Variants in TUT7 observed in about 807,000 individuals in gnomAD.
TUT7 encodes terminal uridylyltransferase 7.
In TUT7, 33 loss-of-function variants were observed where a neutral mutation model predicts 165.9. The observed-to-expected ratio is 0.20, with a 90% CI of 0.15 to 0.27. The LOEUF (loss-of-function observed/expected upper bound fraction) is 0.27. TUT7 is among the 10% of genes least tolerant of loss of function. The pLI is 1.00. For synonymous variants in TUT7, 552 were observed against 608.1 expected (o/e 0.91, Z 1.36); for missense variants, 1,338 against 1,762.3 (o/e 0.76, Z 4.31).
intron 24 of TUT7, 149 bp downstream of exon 24, chr9:86,304,706 AG>A: frequency 2.0e-6 from 1 of 507,184 alleles, no homozygotes; most frequent in Non-Finnish European, 3.5e-6. Context: ...TTTAAGAAAA[AG>A]GGGGGCTCTG....
At chr9:86,310,305 CT>C (rs952372186) in intron 18 of TUT7, among the ~76,000 whole-genome samples, 157 of 148,390 alleles carry the variant, frequency 1.1e-3, no homozygotes, top group Middle Eastern at 3.5e-3. Context: ...TGAAATTAAC[CT>C]TTTTTTTTTC....
At chr9:86,304,435 C>T (rs1488366644) in intron 24 of TUT7, among the ~76,000 whole-genome samples, 1 of 152,114 alleles carries the variant, frequency 6.6e-6, no homozygotes, top group East Asian at 1.9e-4. Context: ...CTACAGGAAG[C>T]ACTGTTAACC....
chr9:86,329,914 G>T (rs1429229495), intron 10 of TUT7, among the ~76,000 whole-genome samples: 1 of 151,970 alleles, frequency 6.6e-6, no homozygotes, highest in African/African-American at 2.4e-5. Context: ...TTTTCTCTAA[G>T]GAGCTCCACA....
At chr9:86,307,640 T>G (rs959167325) in intron 22 of TUT7, among the ~76,000 whole-genome samples, 50 of 152,292 alleles carry the variant, frequency 3.3e-4, no homozygotes, top group African/African-American at 1.1e-3. Context: ...TCCCACAAAT[T>G]GGAAATAAAC....
chr9:86,315,510 T>C (rs1828622133), intron 17 of TUT7, among the ~76,000 whole-genome samples: 1 of 152,228 alleles, frequency 6.6e-6, no homozygotes, highest in South Asian at 2.1e-4. Flanking sequence ...TGTGGAACTC[T>C]TTATGCAACT....
At chr9:86,297,267 G>A (rs1826406802) in intron 26 of TUT7, among the ~76,000 whole-genome samples, 1 of 152,046 alleles carries the variant, frequency 6.6e-6, no homozygotes, top group Admixed American at 6.6e-5. Flanking sequence ...CCTTTTCTCT[G>A]CTCTCACTAT....
At chr9:86,351,248 C>T (rs1175442133) in intron 2 of TUT7, among the ~76,000 whole-genome samples, 2 of 151,954 alleles carry the variant, frequency 1.3e-5, no homozygotes, top group East Asian at 3.9e-4. Context: ...CCAGTCAGGC[C>T]AACATGGTGA....
At chr9:86,333,128 T>A (rs955480610) in intron 10 of TUT7, among the ~76,000 whole-genome samples, 10 of 152,252 alleles carry the variant, frequency 6.6e-5, no homozygotes, top group East Asian at 3.8e-4. Flanking sequence ...CAAAAAGTGA[T>A]GTTTTTGTTT....
At chr9:86,292,962 C>G (rs1261471685) in intron 26 of TUT7, among the ~76,000 whole-genome samples, 1 of 151,918 alleles carries the variant, frequency 6.6e-6, no homozygotes, top group African/African-American at 2.4e-5. Context: ...CTTCACTATA[C>G]CTGAATATAA....
chr9:86,334,564 GC>G (rs1485857118), intron 10 of TUT7, among the ~76,000 whole-genome samples: 1 of 152,164 alleles, frequency 6.6e-6, no homozygotes, highest in African/African-American at 2.4e-5. Flanking sequence ...GCAGTGGTTT[GC>G]CCATGACATC....
intron 2 of TUT7, among the ~76,000 whole-genome samples, chr9:86,347,659 A>G (rs892226986): frequency 7.2e-5 from 11 of 152,196 alleles, no homozygotes; most frequent in Admixed American, 3.9e-4. Flanking sequence ...ACCTTCCACA[A>G]TATAAGAAAA....
intron 16 of TUT7, among the ~76,000 whole-genome samples, chr9:86,317,928 AAAATAAAT>A (rs558235390): frequency 3.3e-5 from 5 of 152,302 alleles, no homozygotes; most frequent in Middle Eastern, 3.4e-3. Context: ...GCCATGTAAA[AAAATAAAT>A]AAATAAATAA....
Position 86,322,334 on chromosome 9 carries a change from G to T in TUT7, c.3019C>A (p.Gln1007Lys). The T allele has an allele frequency of 6.2e-7, 1 of 1,611,924 alleles. No individual in the cohort carries two copies. The highest frequency in any genetic ancestry group is 8.5e-7 in the Non-Finnish European group (1 of 1,179,190). ...FLNILDQVCIQCYKDFSPTII... is the reference protein window; with the variant it reads ...FLNILDQVCIKCYKDFSPTII... ...AATGTGAATAACTTACTATAACACT[G>T]GATACAGACTTGATCTAAGATATTT... The change falls in exon 14 of 27, where the codon CAG becomes AAG. Residue 1007 changes from glutamine (Q) to lysine (K), a missense_variant. This residue lies in a region of TUT7 where 425 missense variants were observed against 474.9 expected (regional missense o/e 0.89). Coordinates refer to ENST00000375963, the MANE Select transcript of TUT7 (RefSeq NM_024617.4).
Position 86,353,136 on chromosome 9 carries a change from C to T in TUT7, c.64G>A (p.Asp22Asn), listed in dbSNP as rs1282088250. The T allele has an allele frequency of 1.9e-6, 3 of 1,611,646 alleles. No individual in the cohort carries two copies. In the East Asian group the frequency reaches 6.7e-5, roughly 36 times the overall value. The change falls in exon 2 of 27, where the codon GAT becomes AAT. Residue 22 changes from aspartate to asparagine, a missense_variant. By Grantham distance (23) the Asp-to-Asn change is conservative (BLOSUM62 1). Around this residue, in one of 7 missense-constraint regions of TUT7, gnomAD observed 434 missense variants for 480.8 expected, o/e 0.90. Transcript: ENST00000375963. ...RTKDRGTMDD[D>N]DFRRGHPQQD... Reference sequence around the variant, plus strand: ...TGGGGGTGACCCCTTCTGAAGTCATCATCATCCATAGTCCCCCGGTCTTTA... The same window carrying T: ...TGGGGGTGACCCCTTCTGAAGTCATTATCATCCATAGTCCCCCGGTCTTTA...
chr9:86,307,485 C>T (rs971954265), intron 22 of TUT7, among the ~76,000 whole-genome samples: 1 of 151,840 alleles, frequency 6.6e-6, no homozygotes, highest in Non-Finnish European at 1.5e-5. Context: ...ATAATAAAAC[C>T]ACAACTTAGA....
intron 10 of TUT7, among the ~76,000 whole-genome samples, chr9:86,330,493 T>C (rs984512087): frequency 2.0e-5 from 3 of 152,368 alleles, no homozygotes; most frequent in African/African-American, 7.2e-5. Flanking sequence ...GCGTAGTGAC[T>C]ATTTCTTGGT....
In TUT7 at chr9:86,338,850, C is replaced by T; in HGVS notation, c.1308G>A (p.Leu436=). ...LGKLEPKLVP[L]VIAFRYWAKL... is the part of the protein sequence containing the mutation. ...TTGCCCAGTACCTAAATGCAATCACCAAAGGAACCAGCTTTGGTTCTAGTT... is the reference window on the plus strand; with the variant it reads ...TTGCCCAGTACCTAAATGCAATCACTAAAGGAACCAGCTTTGGTTCTAGTT... The change falls in exon 9 of 27, where the codon TTG becomes TTA. Residue 436 remains leucine (L), a synonymous_variant. Transcript: ENST00000375963. The T allele has an allele frequency of 1.9e-6, 3 of 1,608,708 alleles. No homozygotes were observed. Among genetic ancestry groups the T allele is most frequent in the Non-Finnish European group, 1.7e-6 (2 of 1,177,488 alleles).
At chr9:86,321,094 T>C (rs910526290) in intron 14 of TUT7, among the ~76,000 whole-genome samples, 6 of 151,972 alleles carry the variant, frequency 3.9e-5, no homozygotes, top group Non-Finnish European at 8.8e-5. Context: ...GGCTCACGCC[T>C]GTAATCCCAG....
intron 16 of TUT7, 111 bp from the exon 17 acceptor site, chr9:86,317,387 A>G: frequency 2.1e-6 from 2 of 935,574 alleles, no homozygotes; most frequent in Non-Finnish European, 3.3e-6. Context: ...AAGTCAGTCT[A>G]TATCTATTTT....
Sources: gnomAD v4.1 joint callset for allele counts (sites outside exome capture counted in the v4.1 genomes callset) on GRCh38, gnomAD v4.1.1 for gene constraint, gnomAD v4.1.1 regional missense constraint, MANE v1.5 for transcripts, NCBI Gene and HGNC (gene_info 2026-07-23, HGNC 2026-07-21) for gene names.